The following RAB28 variants were observed in gnomAD, a reference collection of about 807,000 sequenced individuals.
The protein encoded by RAB28 is ras-related protein Rab-28.
A neutral mutation model predicts 31.7 loss-of-function variants in RAB28; 24 were observed. The observed-to-expected ratio is 0.76, with a 90% CI of 0.55 to 1.06. The LOEUF (loss-of-function observed/expected upper bound fraction) is 1.06, where lower values mean the gene tolerates loss of function less well. Ranked by LOEUF, RAB28 falls within the 50% of genes least tolerant of loss-of-function variation. The probability of loss-of-function intolerance (pLI) is 0.00; values close to 1 mark genes in which losing one functional copy is unlikely to be tolerated. For missense variants in RAB28, 254 were observed against 258.5 expected (o/e 0.98, Z 0.12); for synonymous variants, 100 against 90.4 (o/e 1.11, Z -0.60).
At chr4:13,429,672 G>T (rs904634725) in intron 4 of RAB28, among the ~76,000 whole-genome samples, 9 of 152,154 alleles carry the variant, frequency 5.9e-5, no homozygotes, top group African/African-American at 2.2e-4. Context: ...TTAATAGATC[G>T]GAAGAAAATA....
intron 4 of RAB28, among the ~76,000 whole-genome samples, chr4:13,413,151 G>T (rs1181061910): frequency 1.3e-5 from 2 of 152,048 alleles, no homozygotes. Flanking sequence ...TGTTTGAAAG[G>T]TATATGTTAT....
chr4:13,404,929 CTT>C (rs76156995), intron 4 of RAB28, among the ~76,000 whole-genome samples: 114 of 134,106 alleles, frequency 8.5e-4, no homozygotes, highest in African/African-American at 2.1e-3. Flanking sequence ...TCACTCTGTA[CTT>C]TTTTTTTTTT....
intron 3 of RAB28, among the ~76,000 whole-genome samples, chr4:13,468,851 G>A (rs1398619077): frequency 6.6e-6 from 1 of 150,788 alleles, no homozygotes; most frequent in Non-Finnish European, 1.5e-5. Context: ...AAGGGAGGGA[G>A]AGAGAAGACA....
At chr4:13,433,604 A>G (rs1218049799) in intron 4 of RAB28, among the ~76,000 whole-genome samples, 3 of 152,158 alleles carry the variant, frequency 2.0e-5, no homozygotes, top group Non-Finnish European at 4.4e-5. Flanking sequence ...CAAAACCACA[A>G]TGAAATACAA....
chr4:13,434,959 C>T (rs1714010237), intron 4 of RAB28, among the ~76,000 whole-genome samples: 1 of 141,242 alleles, frequency 7.1e-6, no homozygotes, highest in Admixed American at 7.5e-5. Context: ...GTGGAGGTTG[C>T]AGTGAGCCGA....
intron 3 of RAB28, among the ~76,000 whole-genome samples, chr4:13,468,781 T>A (rs1388058438): frequency 1.3e-5 from 2 of 151,078 alleles, no homozygotes; most frequent in African/African-American, 4.9e-5. Context: ...AAGCTGTTTT[T>A]TTTTTAAAAA....
intron 4 of RAB28, among the ~76,000 whole-genome samples, chr4:13,410,986 G>C (rs371076943): frequency 6.6e-6 from 1 of 151,748 alleles, no homozygotes; most frequent in Non-Finnish European, 1.5e-5. Flanking sequence ...TTTTAAAGAC[G>C]GATAAAAGCC....
chr4:13,373,941 A>ATATGTATGTATGTATGTATG (rs566473086), intron 6 of RAB28, among the ~76,000 whole-genome samples: 8 of 151,878 alleles, frequency 5.3e-5, no homozygotes, highest in African/African-American at 1.9e-4. Flanking sequence ...GTGTGTATAT[A>ATATGTATGTATGTATGTATG]TATGTATGTA....
At chr4:13,373,941 A>ATATGTATG (rs566473086) in intron 6 of RAB28, among the ~76,000 whole-genome samples, 23 of 151,878 alleles carry the variant, frequency 1.5e-4, no homozygotes, top group East Asian at 7.7e-4. Context: ...GTGTGTATAT[A>ATATGTATG]TATGTATGTA....
intron 4 of RAB28, among the ~76,000 whole-genome samples, chr4:13,407,391 A>G (rs1712161824): frequency 2.0e-5 from 3 of 152,030 alleles, no homozygotes; most frequent in Admixed American, 2.0e-4. Flanking sequence ...CCAGTACCAC[A>G]TTGTTTTGGT....
chr4:13,385,848 C>A (rs900131772), intron 4 of RAB28, among the ~76,000 whole-genome samples: 7 of 152,058 alleles, frequency 4.6e-5, no homozygotes, highest in Admixed American at 1.3e-4. Flanking sequence ...TATCTTTCAC[C>A]ATAAGCAAAA....
At chr4:13,387,146 T>C (rs556645085) in intron 4 of RAB28, among the ~76,000 whole-genome samples, 58 of 152,132 alleles carry the variant, frequency 3.8e-4, no homozygotes, top group Admixed American at 2.0e-3. Flanking sequence ...TAATAGGTAC[T>C]AGGTGTAATA....
chr4:13,439,936 A>G (rs1714326789), intron 4 of RAB28, among the ~76,000 whole-genome samples: 1 of 152,214 alleles, frequency 6.6e-6, no homozygotes, highest in South Asian at 2.1e-4. Flanking sequence ...AAATTATATC[A>G]GAATACAAAG....
chr4:13,455,621 T>A (rs1438912523), intron 4 of RAB28, among the ~76,000 whole-genome samples: 1 of 152,148 alleles, frequency 6.6e-6, no homozygotes, highest in Non-Finnish European at 1.5e-5. Flanking sequence ...TCACAAGGCG[T>A]GGGTGGGGAG....
intron 4 of RAB28, among the ~76,000 whole-genome samples, chr4:13,404,247 G>A (rs796835111): frequency 7.0e-4 from 106 of 152,164 alleles, no homozygotes; most frequent in African/African-American, 2.4e-3. Context: ...GCGGGGTGGC[G>A]CATGCCTATA....
chr4:13,473,711 A>C (rs529585032), intron 3 of RAB28: 24 of 270,110 alleles, frequency 8.9e-5, no homozygotes, highest in South Asian at 7.7e-4. Context: ...TCATGTTGCG[A>C]AATTTATGTA....
intron 4 of RAB28, among the ~76,000 whole-genome samples, chr4:13,390,480 G>A (rs1394505449): frequency 2.0e-5 from 3 of 151,848 alleles, no homozygotes; most frequent in Admixed American, 1.3e-4. Flanking sequence ...CATGAAAAAC[G>A]GCCATACTGC....
chr4:13,438,593 T>C lies in RAB28; in HGVS notation c.391+22106A>G, dbSNP rs188475946. Among the ~76,000 whole-genome samples the C allele has an allele frequency of 6.6e-4, 101 of 152,348 alleles. 1 individual carries two copies. Among genetic ancestry groups the C allele is most frequent in the Middle Eastern group, 3.4e-3 (1 of 294 alleles). Reference sequence around the variant, plus strand: ...ATCTTTCCAAGATTCATACATGTTATAGCATGTATCAGTATGTCACTCCTT... The same window carrying C: ...ATCTTTCCAAGATTCATACATGTTACAGCATGTATCAGTATGTCACTCCTT... On this transcript the variant is annotated intron_variant, in intron 4 of 6. Transcript: ENST00000330852.
chr4:13,388,177 G>C (rs1487292234), intron 4 of RAB28, among the ~76,000 whole-genome samples: 2 of 151,954 alleles, frequency 1.3e-5, no homozygotes, highest in Non-Finnish European at 2.9e-5. Flanking sequence ...TTAAAATGTA[G>C]TCTTCCAAAT....
Sources: gnomAD v4.1 joint callset for allele counts (sites outside exome capture counted in the v4.1 genomes callset) on GRCh38, gnomAD v4.1.1 for gene constraint, MANE v1.5 for transcripts, NCBI Gene and HGNC (gene_info 2026-07-23, HGNC 2026-07-21) for gene names.